The following METTL25 variants were observed in gnomAD, a reference collection of about 807,000 sequenced individuals.
METTL25 encodes the protein probable methyltransferase-like protein 25.
METTL25 carries 64 observed loss-of-function variants against 71.6 expected under a neutral mutation model. The observed-to-expected ratio is 0.89, with a 90% CI of 0.73 to 1.10. METTL25 has a LOEUF of 1.10. Among genes scored for constraint, METTL25 ranks in the 50% least tolerant of loss-of-function variants. METTL25 has a pLI of 0.00. For synonymous variants in METTL25, 287 were observed against 250.3 expected (o/e 1.15, Z -1.38); for missense variants, 807 against 707.0 (o/e 1.14, Z -1.60).
chr12:82,370,070 C>A lies in METTL25; in HGVS notation c.259+11246C>A, dbSNP rs551806178. Among the ~76,000 whole-genome samples, 120 of 152,246 alleles carry A rather than the reference C, an allele frequency of 7.9e-4. 1 individual carries two copies. The Middle Eastern group carries it at 0.014, about 17-fold the overall frequency. On this transcript the variant is annotated intron_variant, in intron 1 of 11. Transcript: ENST00000248306. ...CAATCCCCCCTCTAAACAGGACACC[C>A]CAACTGCTGTTGGGAATCGGCCAGT...
intron 1 of METTL25, among the ~76,000 whole-genome samples, chr12:82,378,227 A>G (rs1302408127): frequency 6.6e-6 from 1 of 152,186 alleles, no homozygotes; most frequent in Non-Finnish European, 1.5e-5. Context: ...AATGATTGCA[A>G]TCAAATGGGG....
At chr12:82,382,440 T>C (rs1884528661) in intron 1 of METTL25, among the ~76,000 whole-genome samples, 1 of 152,230 alleles carries the variant, frequency 6.6e-6, no homozygotes, top group Non-Finnish European at 1.5e-5. Flanking sequence ...CCCTGGGCTA[T>C]TGAAGTCCTT....
At chr12:82,381,755 G>A (rs192228970) in intron 1 of METTL25, among the ~76,000 whole-genome samples, 3 of 152,292 alleles carry the variant, frequency 2.0e-5, no homozygotes, top group East Asian at 1.9e-4. Context: ...CAACTGCTGT[G>A]GAAGGCAAAG....
intron 5 of METTL25, among the ~76,000 whole-genome samples, chr12:82,428,499 C>T (rs545848609): frequency 1.3e-5 from 2 of 151,952 alleles, no homozygotes; most frequent in East Asian, 1.9e-4. Flanking sequence ...TCATGTCTCA[C>T]TTAAATCATA....
chr12:82,393,513 T>C (rs1241079719), intron 3 of METTL25, among the ~76,000 whole-genome samples: 1 of 152,078 alleles, frequency 6.6e-6, no homozygotes, highest in Non-Finnish European at 1.5e-5. Flanking sequence ...TCAGTTCTAA[T>C]CGTTTTTTGA....
In METTL25 at chr12:82,399,052, CAA is replaced by C. The variant is rs1886343876; in HGVS notation, c.790_791del (p.Asn264GlnfsTer16). The C allele has an allele frequency of 1.2e-6, 2 of 1,612,764 alleles. No individual in the cohort carries two copies. The highest frequency in any genetic ancestry group is 1.7e-6 in the Non-Finnish European group (2 of 1,179,268). On this transcript the variant is annotated frameshift_variant, in exon 4 of 12. Coordinates refer to ENST00000248306, the MANE Select transcript of METTL25 (RefSeq NM_032230.3). LOFTEE classifies it high-confidence loss of function. ...AAGCTGATACTGAGGAAGTGTTTAA[CAA>C]CAGTCCTACAAATCAAGAAAAGATG... The part of the protein sequence containing the change: ...NKADTEEVFN[N>X]SPTNQEKMPT...
At chr12:82,422,859 T>A (rs373796203) in intron 5 of METTL25, among the ~76,000 whole-genome samples, 1 of 152,078 alleles carries the variant, frequency 6.6e-6, no homozygotes, top group Non-Finnish European at 1.5e-5. Flanking sequence ...GGACCTCTTC[T>A]AGGAGAACTA....
chr12:82,365,329 A>C (rs942149053), intron 1 of METTL25, among the ~76,000 whole-genome samples: 1 of 152,204 alleles, frequency 6.6e-6, no homozygotes, highest in Non-Finnish European at 1.5e-5. Flanking sequence ...TATTTAGTAC[A>C]TTACAGATTA....
chr12:82,367,073 G>C (rs951244680), intron 1 of METTL25, among the ~76,000 whole-genome samples: 1 of 152,028 alleles, frequency 6.6e-6, no homozygotes, highest in African/African-American at 2.4e-5. Flanking sequence ...ACTTAAATTT[G>C]TTTTCTAATT....
In METTL25 at chr12:82,399,002, A is replaced by G; in HGVS notation, c.739A>G (p.Lys247Glu). Residue 247 changes from lysine (K) to glutamate (E), a missense_variant, in exon 4 of 12, where the codon AAA becomes GAA. Lys to Glu is a moderately conservative substitution (Grantham distance 56). Coordinates refer to ENST00000248306, the MANE Select transcript of METTL25 (RefSeq NM_032230.3). ...GLALKMAKERKVQNKVKNKAD... is the reference protein window; with the variant it reads ...GLALKMAKEREVQNKVKNKAD... ...AGCATTAAAAATGGCAAAAGAAAGG[A>G]AAGTGCAAAATAAAGTTAAAAATAA... The G allele has an allele frequency of 6.2e-7, 1 of 1,609,124 alleles. No individual in the cohort carries two copies.
At position 82,394,231 on chromosome 12, in the gene METTL25, T is replaced by C. The variant is rs371452014; in HGVS notation, c.531+4309T>C. Among the ~76,000 whole-genome samples the C allele has an allele frequency of 1.2e-4, 18 of 152,160 alleles. 1 individual carries two copies. In the South Asian group the frequency reaches 3.7e-3, roughly 32 times the overall value. ...TTTGGTCCATAGTGCAGATTATGTC[T>C]GCTGTTTCTTTGCCTACTTTCTGTT... On this transcript the variant is annotated intron_variant, in intron 3 of 11. Coordinates refer to ENST00000248306, the MANE Select transcript of METTL25 (RefSeq NM_032230.3).
At chr12:82,373,384 G>A (rs1883476174) in intron 1 of METTL25, among the ~76,000 whole-genome samples, 4 of 152,088 alleles carry the variant, frequency 2.6e-5, no homozygotes, top group Admixed American at 2.6e-4. Context: ...TCCTACAATG[G>A]GGCTTTGGGC....
chr12:82,456,784 A>G lies in METTL25; in HGVS notation c.1536A>G (p.Arg512=). The part of the protein sequence containing the change: ...SKCSSFLDYV[R]RSLKKLGLDE... The stretch of plus-strand genomic sequence containing the variant: ...GTTCTTCTTTTCTGGATTATGTCAG[A>G]CGGTCTCTAAAGAAGCTTGGATTAG... Residue 512 remains arginine, a synonymous_variant, in exon 9 of 12, where the codon AGA becomes AGG. Coordinates refer to ENST00000248306, the MANE Select transcript of METTL25 (RefSeq NM_032230.3). 6.2e-7 allele frequency: 1 copy of G among 1,603,116 alleles called. No individual in the cohort carries two copies. The highest frequency in any genetic ancestry group is 8.5e-7 in the Non-Finnish European group (1 of 1,174,170).
chr12:82,367,695 AC>A (rs1882718657), intron 1 of METTL25, among the ~76,000 whole-genome samples: 1 of 152,098 alleles, frequency 6.6e-6, no homozygotes, highest in South Asian at 2.1e-4. Flanking sequence ...ATTGTCCAAA[AC>A]CGTAGTTCTG....
At chr12:82,409,423 G>A (rs1887372969) in intron 5 of METTL25, among the ~76,000 whole-genome samples, 1 of 152,074 alleles carries the variant, frequency 6.6e-6, no homozygotes, top group South Asian at 2.1e-4. Flanking sequence ...TCTTCTAGAA[G>A]TTTTGGAGAT....
chr12:82,468,030 C>A (rs1892345526), intron 9 of METTL25, among the ~76,000 whole-genome samples: 1 of 151,656 alleles, frequency 6.6e-6, no homozygotes, highest in African/African-American at 2.4e-5. Context: ...TTCAGAAGAC[C>A]TGTCTTCTGG....
At chr12:82,417,537 C>A (rs1027822315) in intron 5 of METTL25, among the ~76,000 whole-genome samples, 2 of 152,148 alleles carry the variant, frequency 1.3e-5, no homozygotes, top group Non-Finnish European at 2.9e-5. Flanking sequence ...CAAATGGGTA[C>A]ATGTACAAAT....
At chr12:82,467,497 T>C (rs2137290855) in intron 9 of METTL25, among the ~76,000 whole-genome samples, 2 of 152,252 alleles carry the variant, frequency 1.3e-5, no homozygotes, top group Admixed American at 1.3e-4. Flanking sequence ...TTATCTGTGA[T>C]CTGTGAAATA....
intron 5 of METTL25, chr12:82,408,030 G>A (rs1310249861): frequency 2.5e-6 from 2 of 809,826 alleles, no homozygotes; most frequent in East Asian, 1.2e-4. Context: ...GACACTTTTA[G>A]TGTATAGATG....
Sources: allele counts gnomAD v4.1 joint callset (sites outside exome capture counted in the v4.1 genomes callset), GRCh38; gene constraint gnomAD v4.1.1; transcripts MANE v1.5; gene names NCBI Gene and HGNC (gene_info 2026-07-23, HGNC 2026-07-21).